FAT3: variants seen among roughly 807,000 people sequenced by gnomAD.
FAT3 encodes FAT atypical cadherin 3, also known as protocadherin Fat 3.
Under a neutral mutation model 310.2 loss-of-function variants are expected in FAT3, and 95 were observed. The ratio of observed to expected loss-of-function variants is 0.31; its 90% CI spans 0.26 to 0.36. The LOEUF (loss-of-function observed/expected upper bound fraction) is 0.36, where lower values mean the gene tolerates loss of function less well. Ranked by LOEUF, FAT3 falls within the 10% of genes least tolerant of loss-of-function variation. The pLI is 1.00. For missense variants in FAT3, 5,408 were observed against 5,715.6 expected, an observed-to-expected ratio of 0.95 and a Z score of 1.74; for synonymous variants, 2,314 against 2,192.9, an observed-to-expected ratio of 1.06 and a Z score of -1.54.
intron 4 of FAT3, among the ~76,000 whole-genome samples, chr11:92,737,120 A>G (rs1945370727): frequency 6.6e-6 from 1 of 152,204 alleles, no homozygotes; most frequent in Non-Finnish European, 1.5e-5. Flanking sequence ...CTGAAACAGT[A>G]ATATCTCACA....
intron 3 of FAT3, among the ~76,000 whole-genome samples, chr11:92,656,832 A>G (rs1368294904): frequency 6.6e-6 from 1 of 152,116 alleles, no homozygotes; most frequent in Non-Finnish European, 1.5e-5. Flanking sequence ...ATTGATGCAG[A>G]CTCGACCCTT....
chr11:92,892,584 T>C lies in FAT3; in HGVS notation c.*1471T>C, dbSNP rs1301144862. On this transcript the variant is annotated 3_prime_UTR_variant, in exon 28 of 28. Transcript: ENST00000525166. ...GTGCCACCACGCCTGGCTAATTTTT[T>C]GTATTTTTAGTAGAGATGGGGTTTC... 6.6e-6 allele frequency: 1 copy of C among 152,114 alleles called. No individual in the cohort carries two copies. Among genetic ancestry groups the C allele is most frequent in the Non-Finnish European group, 1.5e-5 (1 of 68,052 alleles). 9.4% of individuals were successfully genotyped at this position (152,114 alleles called of 1,614,324 possible).
chr11:92,866,024 AC>A (rs1348569810), intron 21 of FAT3, among the ~76,000 whole-genome samples: 1 of 152,202 alleles, frequency 6.6e-6, no homozygotes, highest in African/African-American at 2.4e-5. Flanking sequence ...TTGGAAGATA[AC>A]CTTTACCTAA....
chr11:92,542,320 A>G (rs1954476419), intron 3 of FAT3, among the ~76,000 whole-genome samples: 1 of 152,130 alleles, frequency 6.6e-6, no homozygotes, highest in Admixed American at 6.6e-5. Flanking sequence ...GGCAACAAAA[A>G]CAAAACTAGA....
chr11:92,466,296 G>A (rs572314823), intron 2 of FAT3, among the ~76,000 whole-genome samples: 10 of 152,170 alleles, frequency 6.6e-5, no homozygotes, highest in Admixed American at 6.5e-4. Flanking sequence ...TGGATGTATG[G>A]GATGATTATT....
intron 3 of FAT3, among the ~76,000 whole-genome samples, chr11:92,670,670 G>T (rs999681526): frequency 6.6e-6 from 1 of 152,160 alleles, no homozygotes; most frequent in Non-Finnish European, 1.5e-5. Context: ...GTAGCAGAGT[G>T]GAAGCTAGAT....
At position 92,352,166 on chromosome 11, in the gene FAT3, C is replaced by T. The variant is rs749049747; in HGVS notation, c.54C>T (p.Leu18=). The stretch of plus-strand genomic sequence containing the variant: ...GCACACGGCCTCCTGCTTGTTGCCT[C>T]ATCCTCCTGCTTTTCAAGCTTTTGG... ...CVGTRPPACC[L]ILLLFKLLAT... is the part of the protein sequence containing the mutation. Residue 18 remains leucine, a synonymous_variant, in exon 2 of 28, where the codon CTC becomes CTT. Coordinates refer to ENST00000525166, the MANE Select transcript of FAT3 (RefSeq NM_001367949.2). The T allele has an allele frequency of 6.6e-6, 9 of 1,370,704 alleles. 1 individual carries two copies. In the South Asian group the frequency reaches 8.0e-5, roughly 12 times the overall value. The allele number at this position is 1,370,704 out of a possible 1,614,324, so 84.9% of individuals were successfully genotyped here.
intron 2 of FAT3, among the ~76,000 whole-genome samples, chr11:92,449,798 T>G (rs1443468793): frequency 6.6e-6 from 1 of 152,202 alleles, no homozygotes; most frequent in Admixed American, 6.5e-5. Context: ...TCATTCAGCC[T>G]CCAGAATTCA....
intron 2 of FAT3, among the ~76,000 whole-genome samples, chr11:92,454,142 GA>G (rs1951436817): frequency 6.6e-6 from 1 of 152,126 alleles, no homozygotes; most frequent in Non-Finnish European, 1.5e-5. Context: ...ACTAAGTCAT[GA>G]AAATCCAGTG....
intron 3 of FAT3, among the ~76,000 whole-genome samples, chr11:92,683,399 GTTC>G (rs541812779): frequency 6.6e-5 from 10 of 152,280 alleles, no homozygotes; most frequent in Admixed American, 1.3e-4. Context: ...TGGGACCAGG[GTTC>G]TTCTTCCCTG....
At chr11:92,649,702 C>A (rs1287333984) in intron 3 of FAT3, among the ~76,000 whole-genome samples, 5 of 151,982 alleles carry the variant, frequency 3.3e-5, no homozygotes, top group Admixed American at 3.3e-4. Context: ...TGAAACTGGG[C>A]CTTCCATCCT....
rs1423937971 is a variant in FAT3 at position 92,799,577 on chromosome 11, G to C, written c.6564G>C (p.Lys2188Asn). Residue 2188 changes from lysine (K) to asparagine (N), a missense_variant, in exon 10 of 28, where the codon AAG becomes AAC. By Grantham distance (94) the Lys-to-Asn change is moderately conservative (BLOSUM62 0). This residue lies in a region of FAT3 where 4,588 missense variants were observed against 4,809.8 expected (regional missense o/e 0.95). Coordinates refer to ENST00000525166, the MANE Select transcript of FAT3 (RefSeq NM_001367949.2). Reference sequence around the variant, plus strand: ...ACAAAGCAATGCCTGTGTTTGATAAGCCCTTTTATACAGCATCTGTCAATG... The same window carrying C: ...ACAAAGCAATGCCTGTGTTTGATAACCCCTTTTATACAGCATCTGTCAATG... ...IVNKAMPVFD[K>N]PFYTASVNED... The C allele has an allele frequency of 6.2e-7, 1 of 1,613,662 alleles. No homozygotes were observed. The highest frequency in any genetic ancestry group is 1.3e-5 in the African/African-American group (1 of 74,900).
intron 2 of FAT3, among the ~76,000 whole-genome samples, chr11:92,411,691 C>G (rs186616155): frequency 3.3e-5 from 5 of 151,986 alleles, no homozygotes; most frequent in South Asian, 2.1e-4. Context: ...AAGCAAAGTT[C>G]GCAAAGTCAT....
chr11:92,726,241 A>G (rs1466437641), intron 4 of FAT3, among the ~76,000 whole-genome samples: 1 of 152,164 alleles, frequency 6.6e-6, no homozygotes, highest in Non-Finnish European at 1.5e-5. Flanking sequence ...TTCCTTTTCT[A>G]TATTTATAGA....
chr11:92,416,731 C>T (rs1326936348), intron 2 of FAT3, among the ~76,000 whole-genome samples: 3 of 152,212 alleles, frequency 2.0e-5, no homozygotes, highest in African/African-American at 4.8e-5. Flanking sequence ...TTTAGTGGGG[C>T]GTGAGGTCAC....
chr11:92,234,521 C>G (rs1565342735), intron 1 of FAT3, among the ~76,000 whole-genome samples: 1 of 151,880 alleles, frequency 6.6e-6, no homozygotes, highest in Non-Finnish European at 1.5e-5. Context: ...AATCCCAGCA[C>G]TTTGGGAGGC....
intron 3 of FAT3, among the ~76,000 whole-genome samples, chr11:92,649,745 G>A (rs561643007): frequency 1.3e-5 from 2 of 152,032 alleles, no homozygotes; most frequent in East Asian, 3.9e-4. Context: ...CCTTAGGTAC[G>A]TTCTTATGTC....
rs57071687 is a variant in FAT3, at chr11:92,347,438, T to C, written c.-17-4658T>C. On this transcript the variant is annotated intron_variant, in intron 1 of 27. Coordinates refer to ENST00000525166, the MANE Select transcript of FAT3 (RefSeq NM_001367949.2). The stretch of plus-strand genomic sequence containing the variant: ...AGGAAGAGAGGGAATGAAAATGAAA[T>C]ATATTTTTAAAATACCTTTGGTAGT... 8.7e-3 allele frequency among the ~76,000 whole-genome samples: 1,328 copies of C among 152,244 alleles called. 14 individuals carry two copies. Among genetic ancestry groups the C allele is most frequent in the African/African-American group, 0.031 (1,287 of 41,538 alleles).
chr11:92,878,419 A>AACATCTAG (rs1949584663), intron 22 of FAT3, among the ~76,000 whole-genome samples: 1 of 152,082 alleles, frequency 6.6e-6, no homozygotes, highest in Non-Finnish European at 1.5e-5. Flanking sequence ...CCTTCACTGC[A>AACATCTAG]ACATCTAGAC....
Sources: allele counts gnomAD v4.1 joint callset (sites outside exome capture counted in the v4.1 genomes callset), GRCh38; gene constraint gnomAD v4.1.1; regional missense constraint gnomAD v4.1.1; transcripts MANE v1.5; gene names NCBI Gene and HGNC (gene_info 2026-07-23, HGNC 2026-07-21).